Variants in MEGF6 observed in about 807,000 individuals in gnomAD.
The protein encoded by MEGF6 is multiple epidermal growth factor-like domains protein 6.
In MEGF6, 184 loss-of-function variants were observed where a neutral mutation model predicts 207.1. The observed-to-expected ratio is 0.89, with a 90% CI of 0.79 to 1.00. MEGF6 has a LOEUF of 1.00. Among genes scored for constraint, MEGF6 ranks in the 50% least tolerant of loss-of-function variants. The pLI is 0.00. For missense variants in MEGF6, 2,282 were observed against 2,202.9 expected (o/e 1.04, Z -0.72); for synonymous variants, 1,038 against 910.0 (o/e 1.14, Z -2.53).
In MEGF6 at chr1:3,488,444, T is replaced by C. The variant is rs1640227081; in HGVS notation, c.*2084A>G. 6.6e-6 allele frequency among the ~76,000 whole-genome samples: 1 copy of C among 152,242 alleles called. No homozygotes were observed. Among genetic ancestry groups the C allele is most frequent in the Non-Finnish European group, 1.5e-5 (1 of 68,046 alleles). On this transcript the variant is annotated 3_prime_UTR_variant, in exon 37 of 37. Coordinates refer to ENST00000356575, the MANE Select transcript of MEGF6 (RefSeq NM_001409.4). ...GAGTAATGGTGATATTCTGACTCTC[T>C]GAATTCCTAGGCCATTTGGGAACTG...
chr1:3,612,035 T>C (rs939059116), upstream of MEGF6, among the ~76,000 whole-genome samples: 2 of 152,164 alleles, frequency 1.3e-5, no homozygotes, highest in Non-Finnish European at 2.9e-5. Context: ...TCCGTCCACC[T>C]TCGCCCTGAC....
chr1:3,546,156 G>C (rs1008806710), intron 4 of MEGF6, among the ~76,000 whole-genome samples: 1 of 152,172 alleles, frequency 6.6e-6, no homozygotes, highest in African/African-American at 2.4e-5. Context: ...TGGGAGATGG[G>C]GACAGCTTGG....
intron 4 of MEGF6, chr1:3,531,271 G>A: frequency 7.4e-7 from 1 of 1,358,370 alleles, no homozygotes. Flanking sequence ...CGGGCGGGAG[G>A]GGGCGAGGAC....
intron 2 of MEGF6, among the ~76,000 whole-genome samples, chr1:3,600,533 G>A (rs1570237621): frequency 6.6e-6 from 1 of 152,310 alleles, no homozygotes; most frequent in Non-Finnish European, 1.5e-5. Flanking sequence ...TGGCTCCTGG[G>A]AGGGATGAAG....
At chr1:3,553,936 GGCCTGCCTGGTC>G (rs1273360728) in intron 4 of MEGF6, among the ~76,000 whole-genome samples, 1 of 152,208 alleles carries the variant, frequency 6.6e-6, no homozygotes, top group Non-Finnish European at 1.5e-5. Flanking sequence ...GCACGGCTGG[GGCCTGCCTGGTC>G]TTCCTCCCCA....
chr1:3,561,379 GACCCC>G (rs1643195962), intron 4 of MEGF6, among the ~76,000 whole-genome samples: 1 of 152,170 alleles, frequency 6.6e-6, no homozygotes, highest in South Asian at 2.1e-4. Context: ...TCCCACACAG[GACCCC>G]AGGGTGAAGA....
intron 5 of MEGF6, among the ~76,000 whole-genome samples, chr1:3,518,816 T>C (rs912778759): frequency 7.9e-5 from 12 of 152,114 alleles, no homozygotes; most frequent in African/African-American, 2.7e-4. Context: ...AGCCCTCTGT[T>C]GGGGACAGGG....
intron 14 of MEGF6, among the ~76,000 whole-genome samples, chr1:3,506,883 T>A (rs972302962): frequency 1.3e-5 from 2 of 152,098 alleles, no homozygotes; most frequent in Non-Finnish European, 2.9e-5. Flanking sequence ...AACATCCTCA[T>A]CTGAGAGGCA....
At chr1:3,586,677 C>T (rs1214822335) in intron 3 of MEGF6, among the ~76,000 whole-genome samples, 4 of 152,222 alleles carry the variant, frequency 2.6e-5, no homozygotes, top group Admixed American at 1.3e-4. Context: ...GCGGCCCGAA[C>T]GGAAAAGGAA....
intron 4 of MEGF6, among the ~76,000 whole-genome samples, chr1:3,568,561 G>A (rs115948343): frequency 0.038 from 5,799 of 152,100 alleles, 358 homozygotes; most frequent in African/African-American, 0.13. Context: ...GCTCTCCCCA[G>A]CACTCAGGCT....
At chr1:3,600,489 G>C (rs1477008083) in intron 2 of MEGF6, among the ~76,000 whole-genome samples, 1 of 152,206 alleles carries the variant, frequency 6.6e-6, no homozygotes, top group African/African-American at 2.4e-5. Context: ...CTCTGAAGGA[G>C]GACAGGCGGG....
rs768019835 is a variant in MEGF6 at position 3,595,353 on chromosome 1, C to G, written c.361G>C (p.Glu121Gln). 1.9e-6 allele frequency: 3 copies of G among 1,611,390 alleles called. No individual in the cohort carries two copies. Among genetic ancestry groups the G allele is most frequent in the African/African-American group, 2.7e-5 (2 of 74,990 alleles). Residue 121 changes from glutamate to glutamine, a missense_variant, in exon 3 of 37, where the codon GAG (glutamate) becomes CAG (glutamine). Coordinates refer to ENST00000356575, the MANE Select transcript of MEGF6 (RefSeq NM_001409.4). ...CRGWMQQPDE[E>Q]GCLSAECSAS... ...CGGCACTCACCCGAGAGGCAGCCCT[C>G]CTCGTCGGGCTGCTGCATCCACCCT...
At chr1:3,494,846 G>A (rs1180151129) in intron 30 of MEGF6, 105 bp from the exon 31 acceptor site, 5 of 1,430,678 alleles carry the variant, frequency 3.5e-6, no homozygotes, top group Non-Finnish European at 4.6e-6. Flanking sequence ...TGCTTCCTGA[G>A]GCCCATCAGT....
chr1:3,518,217 A>G (rs1329499093), intron 5 of MEGF6, among the ~76,000 whole-genome samples: 1 of 151,850 alleles, frequency 6.6e-6, no homozygotes. Context: ...ACCAGGTAGG[A>G]TTCATGTCCT....
At chr1:3,531,812 G>A (rs1432523084) in intron 4 of MEGF6, among the ~76,000 whole-genome samples, 1 of 151,990 alleles carries the variant, frequency 6.6e-6, no homozygotes. Context: ...GCCGGGCCGC[G>A]GGGCGGGGGA....
intron 17 of MEGF6, 92 bp downstream of exon 17, chr1:3,505,116 T>A: frequency 6.6e-7 from 1 of 1,512,416 alleles, no homozygotes. Flanking sequence ...TAGTGACAGC[T>A]GTGCAGCCCT....
At chr1:3,592,711 G>GC (rs111355608) in intron 3 of MEGF6, among the ~76,000 whole-genome samples, 36 of 143,224 alleles carry the variant, frequency 2.5e-4, no homozygotes, top group African/African-American at 8.5e-4. Context: ...CCCACCCACC[G>GC]CCCCCCTCAC....
chr1:3,559,770 G>A (rs139247464), intron 4 of MEGF6, among the ~76,000 whole-genome samples: 3,650 of 152,170 alleles, frequency 0.024, 134 homozygotes, highest in South Asian at 0.11. Context: ...CCAACACTTC[G>A]GGAGGCCGAG....
At chr1:3,616,331 G>A (rs1251031998), upstream of MEGF6, among the ~76,000 whole-genome samples, 1 of 152,198 alleles carries the variant, frequency 6.6e-6, no homozygotes, top group Non-Finnish European at 1.5e-5. Flanking sequence ...ATAGGAGAGT[G>A]AGCAAAGTCA....
Sources: allele counts gnomAD v4.1 joint callset (sites outside exome capture counted in the v4.1 genomes callset), GRCh38; gene constraint gnomAD v4.1.1; transcripts MANE v1.5; gene names NCBI Gene and HGNC (gene_info 2026-07-23, HGNC 2026-07-21).